The following ROR1 variants were observed in gnomAD, a reference collection of about 807,000 sequenced individuals.
The protein encoded by ROR1 is inactive tyrosine-protein kinase transmembrane receptor ROR1.
In ROR1, 19 loss-of-function variants were observed where a neutral mutation model predicts 78.8. The ratio of observed to expected loss-of-function variants is 0.24; its 90% CI spans 0.17 to 0.35. The LOEUF (loss-of-function observed/expected upper bound fraction) is 0.35. ROR1 is among the 10% of genes least tolerant of loss of function. The pLI is 1.00. For synonymous variants in ROR1, 386 were observed against 433.6 expected (o/e 0.89, Z 1.36); for missense variants, 917 against 1,177.8 (o/e 0.78, Z 3.24).
At chr1:63,829,429 C>T (rs985674876) in intron 1 of ROR1, among the ~76,000 whole-genome samples, 2 of 152,088 alleles carry the variant, frequency 1.3e-5, no homozygotes, top group Non-Finnish European at 2.9e-5. Context: ...TATGGGAGCA[C>T]CGTCACGAGG....
chr1:63,809,930 C>T (rs1644850511), intron 1 of ROR1, among the ~76,000 whole-genome samples: 1 of 152,166 alleles, frequency 6.6e-6, no homozygotes, highest in African/African-American at 2.4e-5. Flanking sequence ...CTGTGGAACT[C>T]ATTTTACCAG....
At position 64,099,779 on chromosome 1, in the gene ROR1, G is replaced by A. The variant is rs571467277; in HGVS notation, c.483-37590G>A. 6.7e-3 allele frequency among the ~76,000 whole-genome samples: 1,020 copies of A among 152,234 alleles called. 3 individuals carry two copies. The highest frequency in any genetic ancestry group is 9.3e-3 in the Non-Finnish European group (631 of 68,014). ...GTTGAAAATAAAGATCAAATAGGCC[G>A]GGTGCAGTGGCTCACGCCTGTAATC... On this transcript the variant is annotated intron_variant, in intron 4 of 8. Coordinates refer to ENST00000371079, the MANE Select transcript of ROR1 (RefSeq NM_005012.4).
chr1:64,141,627 C>T (rs529422688), intron 6 of ROR1, among the ~76,000 whole-genome samples: 5 of 152,234 alleles, frequency 3.3e-5, no homozygotes, highest in African/African-American at 7.2e-5. Context: ...AGCAGCACCA[C>T]GCAAAAGACT....
intron 4 of ROR1, among the ~76,000 whole-genome samples, chr1:64,084,134 G>C (rs555155714): frequency 2.6e-5 from 4 of 152,296 alleles, no homozygotes; most frequent in African/African-American, 9.6e-5. Flanking sequence ...CATAGAAAAG[G>C]AACTAGTATA....
chr1:64,164,606 CTTTTA>C (rs1650034803), intron 8 of ROR1, among the ~76,000 whole-genome samples: 1 of 151,754 alleles, frequency 6.6e-6, no homozygotes, highest in East Asian at 1.9e-4. Flanking sequence ...TTTTTTTTAA[CTTTTA>C]TTTTAAGTTA....
intron 4 of ROR1, among the ~76,000 whole-genome samples, chr1:64,063,940 C>T (rs1436239918): frequency 6.6e-6 from 1 of 152,076 alleles, no homozygotes; most frequent in Admixed American, 6.6e-5. Flanking sequence ...CTTGCATTAG[C>T]CCAGCTCTAC....
intron 1 of ROR1, among the ~76,000 whole-genome samples, chr1:63,818,175 T>C (rs781079292): frequency 4.6e-5 from 7 of 152,202 alleles, no homozygotes; most frequent in Non-Finnish European, 1.0e-4. Context: ...AGATTCTTAC[T>C]CTTCTCATAT....
At chr1:63,948,607 T>A (rs1444016758) in intron 1 of ROR1, among the ~76,000 whole-genome samples, 1 of 152,174 alleles carries the variant, frequency 6.6e-6, no homozygotes. Context: ...GCTGACTGAA[T>A]GTTTGTGTCC....
chr1:63,964,607 C>T (rs558272618), intron 1 of ROR1, among the ~76,000 whole-genome samples: 3 of 152,176 alleles, frequency 2.0e-5, no homozygotes, highest in East Asian at 1.9e-4. Flanking sequence ...AGGGTTCTGA[C>T]GAATTTATTT....
chr1:63,811,256 G>A (rs1644858254), intron 1 of ROR1, among the ~76,000 whole-genome samples: 1 of 152,196 alleles, frequency 6.6e-6, no homozygotes, highest in Non-Finnish European at 1.5e-5. Context: ...CACACAGTTT[G>A]GACCAGTGCC....
In ROR1 at chr1:63,866,041, TA is replaced by T. The variant is rs150429538; in HGVS notation, c.91+91535del. ...TGAAATTTTCCTTCTCTTCCTTGAATAAGGAGTAGAGAGGGGCAGAGAGGTT... is the reference window on the plus strand; with the variant it reads ...TGAAATTTTCCTTCTCTTCCTTGAATAGGAGTAGAGAGGGGCAGAGAGGTT... On this transcript the variant is annotated intron_variant, in intron 1 of 8. Coordinates refer to ENST00000371079, the MANE Select transcript of ROR1 (RefSeq NM_005012.4). 5.4e-3 allele frequency among the ~76,000 whole-genome samples: 821 copies of T among 152,228 alleles called. 6 individuals carry two copies. The highest frequency in any genetic ancestry group is 0.019 in the African/African-American group (787 of 41,538).
At chr1:64,110,020 A>G (rs1011881890) in intron 4 of ROR1, among the ~76,000 whole-genome samples, 12 of 152,264 alleles carry the variant, frequency 7.9e-5, no homozygotes, top group Admixed American at 5.2e-4. Flanking sequence ...TAAAGGTCAC[A>G]TGACCTCCTC....
intron 1 of ROR1, among the ~76,000 whole-genome samples, chr1:63,962,900 C>T (rs1337807648): frequency 6.6e-6 from 1 of 152,122 alleles, no homozygotes; most frequent in African/African-American, 2.4e-5. Context: ...AATTCAGGAG[C>T]TGTTCAGTAG....
intron 1 of ROR1, among the ~76,000 whole-genome samples, chr1:63,872,704 T>C (rs1300651340): frequency 6.6e-6 from 1 of 152,144 alleles, no homozygotes; most frequent in Admixed American, 6.6e-5. Flanking sequence ...AGTGGGGAAA[T>C]ATTTAGGAAG....
At chr1:63,950,408 T>A (rs182420601) in intron 1 of ROR1, among the ~76,000 whole-genome samples, 1 of 152,322 alleles carries the variant, frequency 6.6e-6, no homozygotes, top group East Asian at 1.9e-4. Flanking sequence ...ATTTGTAAAC[T>A]GCTGTGGTGC....
intron 8 of ROR1, among the ~76,000 whole-genome samples, chr1:64,169,848 G>A (rs1650189280): frequency 6.6e-6 from 1 of 152,178 alleles, no homozygotes; most frequent in South Asian, 2.1e-4. Flanking sequence ...GGGGCTACAG[G>A]CCCCATGCAA....
intron 8 of ROR1, among the ~76,000 whole-genome samples, chr1:64,171,985 A>G (rs1650255923): frequency 6.6e-6 from 1 of 152,200 alleles, no homozygotes. Flanking sequence ...TTTCAAATGT[A>G]TTGTCACCTA....
At chr1:64,027,003 T>C (rs1646616993) in intron 2 of ROR1, among the ~76,000 whole-genome samples, 2 of 152,240 alleles carry the variant, frequency 1.3e-5, no homozygotes, top group African/African-American at 4.8e-5. Context: ...CAATCTGTTA[T>C]GAAACTTATT....
chr1:64,044,088 G>A (rs201494129), intron 2 of ROR1, among the ~76,000 whole-genome samples: 1 of 152,062 alleles, frequency 6.6e-6, no homozygotes, highest in Non-Finnish European at 1.5e-5. Flanking sequence ...TGACACAATC[G>A]CTTGGGATTG....
Sources: allele counts gnomAD v4.1 joint callset (sites outside exome capture counted in the v4.1 genomes callset), GRCh38; gene constraint gnomAD v4.1.1; transcripts MANE v1.5; gene names NCBI Gene and HGNC (gene_info 2026-07-23, HGNC 2026-07-21).